Variants in OR51B5 observed in about 807,000 individuals in gnomAD.
OR51B5 encodes the protein olfactory receptor family 51 subfamily B member 5, also known as olfactory receptor 51B5.
For missense variants in OR51B5, 456 were observed against 374.6 expected (o/e 1.22, Z -1.79); for synonymous variants, 186 against 144.8 (o/e 1.28, Z -2.04).
chr11:5,350,209 G>A (rs1157275891), intron 1 of OR51B5, among the ~76,000 whole-genome samples: 2 of 108,950 alleles, frequency 1.8e-5, no homozygotes, highest in Non-Finnish European at 4.7e-5. Flanking sequence ...ATCACTAGTA[G>A]TCTTTACAGG....
At chr11:5,341,482 T>C (rs1043580265), downstream of OR51B5, 7 of 152,206 alleles carry the variant, frequency 4.6e-5, no homozygotes, top group Admixed American at 3.3e-4. Flanking sequence ...TCCCCTCTCT[T>C]GTCTCACTGA....
chr11:5,370,246 G>T (rs1849428192), intron 1 of OR51B5, among the ~76,000 whole-genome samples: 1 of 152,100 alleles, frequency 6.6e-6, no homozygotes, highest in African/African-American at 2.4e-5. Flanking sequence ...AAAGTTGAAG[G>T]TTTGAATGTT....
chr11:5,485,929 A>T (rs1436022662), intron 1 of OR51B5, among the ~76,000 whole-genome samples: 1 of 152,098 alleles, frequency 6.6e-6, no homozygotes, highest in Non-Finnish European at 1.5e-5. Flanking sequence ...AGTTTTTTTA[A>T]AAAATGTGGT....
intron 1 of OR51B5, chr11:5,440,639 G>C (rs758039849): frequency 1.2e-6 from 2 of 1,613,858 alleles, no homozygotes; most frequent in Admixed American, 1.7e-5. Context: ...CACTGTAGAT[G>C]ATAGGGTTGA....
chr11:5,429,005 TA>T (rs1850491617), intron 1 of OR51B5, among the ~76,000 whole-genome samples: 1 of 152,166 alleles, frequency 6.6e-6, no homozygotes, highest in South Asian at 2.1e-4. Flanking sequence ...ATTGCTACTG[TA>T]GAACTTAAGA....
chr11:5,403,054 C>T (rs1315392785), intron 1 of OR51B5: 1 of 471,548 alleles, frequency 2.1e-6, no homozygotes, highest in Non-Finnish European at 4.4e-6. Flanking sequence ...TATTATCGTA[C>T]TGAAAAGCAT....
intron 1 of OR51B5, among the ~76,000 whole-genome samples, chr11:5,370,639 T>C (rs932090219): frequency 6.6e-6 from 1 of 152,214 alleles, no homozygotes; most frequent in African/African-American, 2.4e-5. Context: ...TGTTTGTTTA[T>C]CTAATGAGAG....
At chr11:5,433,615 T>C (rs1050413586) in intron 1 of OR51B5, among the ~76,000 whole-genome samples, 1 of 152,118 alleles carries the variant, frequency 6.6e-6, no homozygotes. Context: ...AGCTATGACC[T>C]CCAGGAGTCA....
At chr11:5,438,132 G>C (rs1850617653) in intron 1 of OR51B5, among the ~76,000 whole-genome samples, 1 of 152,134 alleles carries the variant, frequency 6.6e-6, no homozygotes. Context: ...CATGGACAAA[G>C]AAGGAAACAA....
At chr11:5,380,745 T>C (rs1564793979) in intron 1 of OR51B5, among the ~76,000 whole-genome samples, 1 of 152,174 alleles carries the variant, frequency 6.6e-6, no homozygotes. Flanking sequence ...ATATGTCTAT[T>C]TTGTGCATGA....
At chr11:5,476,761 G>A (rs1487849819) in intron 1 of OR51B5, among the ~76,000 whole-genome samples, 1 of 151,924 alleles carries the variant, frequency 6.6e-6, no homozygotes, top group Non-Finnish European at 1.5e-5. Flanking sequence ...TACTTAATCT[G>A]TTCTTTACAC....
intron 1 of OR51B5, among the ~76,000 whole-genome samples, chr11:5,449,741 T>C (rs2133783168): frequency 6.6e-6 from 1 of 152,314 alleles, no homozygotes; most frequent in Middle Eastern, 3.4e-3. Context: ...AGGGAAGTGG[T>C]CACAACCTAT....
At chr11:5,396,471 G>C (rs112156765) in intron 1 of OR51B5, among the ~76,000 whole-genome samples, 36 of 152,206 alleles carry the variant, frequency 2.4e-4, no homozygotes, top group African/African-American at 8.7e-4. Context: ...GCTTCAGAGA[G>C]AATATAATAC....
At chr11:5,491,074 G>A (rs542916660) in intron 1 of OR51B5, among the ~76,000 whole-genome samples, 1 of 152,338 alleles carries the variant, frequency 6.6e-6, no homozygotes, top group South Asian at 2.1e-4. Context: ...TATGGGAAAA[G>A]TGTTAGAGAT....
At chr11:5,355,836 G>A (rs1055909230) in intron 1 of OR51B5, among the ~76,000 whole-genome samples, 2 of 152,016 alleles carry the variant, frequency 1.3e-5, no homozygotes, top group Non-Finnish European at 1.5e-5. Context: ...GTAATGCCCT[G>A]CTCTGATTCC....
At chr11:5,495,723 A>G (rs2133817708) in intron 1 of OR51B5, among the ~76,000 whole-genome samples, 1 of 152,344 alleles carries the variant, frequency 6.6e-6, no homozygotes, top group African/African-American at 2.4e-5. Context: ...TAATGATAGT[A>G]AGTCCTTGCC....
intron 1 of OR51B5, among the ~76,000 whole-genome samples, chr11:5,419,472 T>A (rs1222714978): frequency 6.6e-6 from 1 of 152,226 alleles, no homozygotes; most frequent in Non-Finnish European, 1.5e-5. Flanking sequence ...ACACTGAACA[T>A]GCACAGATTA....
chr11:5,465,975 AAG>A (rs1401816295), intron 1 of OR51B5, among the ~76,000 whole-genome samples: 1 of 151,552 alleles, frequency 6.6e-6, no homozygotes, highest in Non-Finnish European at 1.5e-5. Flanking sequence ...CATTAAACTA[AAG>A]AGCTTCTGCA....
chr11:5,474,229 G>A (rs1306972677), intron 1 of OR51B5, among the ~76,000 whole-genome samples: 1 of 152,118 alleles, frequency 6.6e-6, no homozygotes, highest in East Asian at 1.9e-4. Context: ...GAAATTCAAA[G>A]AGATTACACA....
Sources: gnomAD v4.1 joint callset for allele counts (sites outside exome capture counted in the v4.1 genomes callset) on GRCh38, gnomAD v4.1.1 for gene constraint, MANE v1.5 for transcripts, NCBI Gene and HGNC (gene_info 2026-07-23, HGNC 2026-07-21) for gene names.